The following VWA8 variants were observed in gnomAD, a reference collection of about 807,000 sequenced individuals.
The protein encoded by VWA8 is von Willebrand factor A domain-containing protein 8.
VWA8 carries 221 observed loss-of-function variants against 241.5 expected under a neutral mutation model. That is an observed-to-expected ratio of 0.91 (90% CI 0.82 to 1.02). The LOEUF is 1.02. Among genes scored for constraint, VWA8 ranks in the 50% least tolerant of loss-of-function variants. VWA8 has a pLI of 0.00. For missense variants in VWA8, 2,322 were observed against 2,328.7 expected, an observed-to-expected ratio of 1.00 and a Z score of 0.06; for synonymous variants, 852 against 827.1, an observed-to-expected ratio of 1.03 and a Z score of -0.52.
In VWA8 at chr13:41,597,495, AT is replaced by A. The variant is rs371068351; in HGVS notation, c.4987-6731del. ...TAAGGGATTCATGTTTCTTGAAGTA[AT>A]ATCTCATTGCAAAGGAAAACGGTGA... On this transcript the variant is annotated intron_variant, in intron 40 of 44. Coordinates refer to ENST00000379310, the MANE Select transcript of VWA8 (RefSeq NM_015058.2). 2.2e-4 allele frequency among the ~76,000 whole-genome samples: 33 copies of A among 152,244 alleles called. 1 individual carries two copies. The East Asian group carries it at 5.6e-3, about 26-fold the overall frequency.
chr13:41,626,041 A>G (rs973563716), intron 37 of VWA8, among the ~76,000 whole-genome samples: 5 of 136,308 alleles, frequency 3.7e-5, no homozygotes, highest in Middle Eastern at 4.0e-3. Context: ...ATGAGAACAC[A>G]TGGACACAGG....
chr13:41,608,034 A>G (rs2044563927), intron 39 of VWA8, among the ~76,000 whole-genome samples: 2 of 152,118 alleles, frequency 1.3e-5, no homozygotes, highest in Admixed American at 6.6e-5. Context: ...ACAAACCTAT[A>G]TACACACATA....
chr13:41,596,779 A>G (rs908276325), intron 40 of VWA8, among the ~76,000 whole-genome samples: 4 of 141,804 alleles, frequency 2.8e-5, no homozygotes, highest in African/African-American at 1.0e-4. Flanking sequence ...TACTTGCTTA[A>G]CCAGAAAGTA....
chr13:41,886,743 A>G, intron 7 of VWA8, 38 bp downstream of exon 7: 3 of 1,516,972 alleles, frequency 2.0e-6, no homozygotes, highest in Non-Finnish European at 2.7e-6. Flanking sequence ...AAACAAATTC[A>G]ATATTCAGTG....
intron 4 of VWA8, among the ~76,000 whole-genome samples, chr13:41,900,219 C>G (rs1875359135): frequency 1.3e-5 from 2 of 152,092 alleles, no homozygotes; most frequent in South Asian, 4.1e-4. Context: ...GAAGATTTTT[C>G]TATACAGGTT....
At chr13:41,953,758 G>A (rs1225259103) in intron 1 of VWA8, among the ~76,000 whole-genome samples, 2 of 152,106 alleles carry the variant, frequency 1.3e-5, no homozygotes, top group African/African-American at 2.4e-5. Context: ...GCAGTGAGCC[G>A]AGATAGCGCC....
chr13:41,887,789 A>G (rs1874620302), intron 5 of VWA8, among the ~76,000 whole-genome samples: 1 of 152,264 alleles, frequency 6.6e-6, no homozygotes, highest in African/African-American at 2.4e-5. Context: ...CTAGCAAAGC[A>G]TATTACTAGC....
intron 37 of VWA8, among the ~76,000 whole-genome samples, chr13:41,645,553 G>A (rs2044825875): frequency 6.6e-6 from 1 of 152,124 alleles, no homozygotes; most frequent in Non-Finnish European, 1.5e-5. Context: ...TATGGCTCTG[G>A]CAGCTGATAT....
intron 29 of VWA8, among the ~76,000 whole-genome samples, chr13:41,695,290 C>T (rs1224943133): frequency 6.6e-6 from 1 of 152,036 alleles, no homozygotes; most frequent in Non-Finnish European, 1.5e-5. Context: ...TTAGGCATGG[C>T]AAAGTTTCCC....
At chr13:41,626,474 A>C (rs2044692388) in intron 37 of VWA8, among the ~76,000 whole-genome samples, 1 of 152,190 alleles carries the variant, frequency 6.6e-6, no homozygotes, top group East Asian at 1.9e-4. Context: ...AATCCTAAGC[A>C]AAAAGAACAA....
At chr13:41,794,217 T>C (rs1283526690) in intron 17 of VWA8, among the ~76,000 whole-genome samples, 1 of 152,212 alleles carries the variant, frequency 6.6e-6, no homozygotes, top group Non-Finnish European at 1.5e-5. Context: ...AATCTATAAA[T>C]TACTTTGGGA....
At chr13:41,593,244 T>C (rs547025144) in intron 40 of VWA8, among the ~76,000 whole-genome samples, 1 of 152,324 alleles carries the variant, frequency 6.6e-6, no homozygotes, top group South Asian at 2.1e-4. Flanking sequence ...GGAATACCAA[T>C]AGATTAATGC....
chr13:41,653,982 T>C (rs994494499), intron 37 of VWA8, among the ~76,000 whole-genome samples: 5 of 152,198 alleles, frequency 3.3e-5, no homozygotes, highest in African/African-American at 4.8e-5. Context: ...AATACCATTC[T>C]GGACATCAGC....
Position 41,678,608 on chromosome 13 carries a change from G to A in VWA8, c.4328-3312C>T, listed in dbSNP as rs377689587. ...GAGGCACTTTTACAAATAAGGAATA[G>A]TATTAAGTTGAGCTACTGCCATCAG... On this transcript the variant is annotated intron_variant, in intron 35 of 44. Transcript: ENST00000379310. 1.3e-4 allele frequency among the ~76,000 whole-genome samples: 20 copies of A among 152,330 alleles called. No homozygotes were observed. In the South Asian group the frequency reaches 3.5e-3, roughly 27 times the overall value.
At chr13:41,775,942 AC>A (rs1340241671) in intron 20 of VWA8, among the ~76,000 whole-genome samples, 1 of 151,992 alleles carries the variant, frequency 6.6e-6, no homozygotes, top group African/African-American at 2.4e-5. Context: ...AAACTAGAAG[AC>A]CCTCCTGAAA....
Position 41,960,911 on chromosome 13 carries a change from AC to A in VWA8, c.104del (p.Gly35ValfsTer33). ...LLRQVVQRRPGGDRQRPEVRL... is the reference protein window; with the variant it reads ...LLRQVVQRRPXGDRQRPEVRL... The stretch of plus-strand genomic sequence containing the variant: ...TGACCTCCGGCCGCTGCCTGTCGCC[AC>A]CCGGCCTGCGCTGCACCACCTGCCG... On this transcript the variant is annotated frameshift_variant, in exon 1 of 45. Coordinates refer to ENST00000379310, the MANE Select transcript of VWA8 (RefSeq NM_015058.2). LOFTEE classifies it high-confidence loss of function. The A allele has an allele frequency of 6.6e-7, 1 of 1,511,740 alleles. No homozygotes were observed. Among genetic ancestry groups the A allele is most frequent in the African/African-American group, 1.4e-5 (1 of 69,410 alleles). 93.6% of individuals were successfully genotyped at this position (1,511,740 alleles called of 1,614,324 possible). A position where few individuals can be genotyped will look rare whatever the true frequency, so the allele number is the denominator to read the frequency against.
At chr13:41,646,310 A>C (rs2044832109) in intron 37 of VWA8, among the ~76,000 whole-genome samples, 1 of 152,170 alleles carries the variant, frequency 6.6e-6, no homozygotes, top group African/African-American at 2.4e-5. Flanking sequence ...ATGGAACCTA[A>C]TCTGAATCAT....
At chr13:41,868,721 T>TA (rs1223090918) in intron 9 of VWA8, among the ~76,000 whole-genome samples, 1 of 151,316 alleles carries the variant, frequency 6.6e-6, no homozygotes, top group Non-Finnish European at 1.5e-5. Flanking sequence ...CCGTCTCTAC[T>TA]AAAAAATAGA....
chr13:41,702,886 G>A (rs1270867529), intron 27 of VWA8, among the ~76,000 whole-genome samples: 1 of 152,104 alleles, frequency 6.6e-6, no homozygotes, highest in Non-Finnish European at 1.5e-5. Flanking sequence ...CTTTCTCACA[G>A]TAAATTCCTT....
Sources: gnomAD v4.1 joint callset for allele counts (sites outside exome capture counted in the v4.1 genomes callset) on GRCh38, gnomAD v4.1.1 for gene constraint, MANE v1.5 for transcripts, NCBI Gene and HGNC (gene_info 2026-07-23, HGNC 2026-07-21) for gene names.